The following ITPR1 variants were observed in gnomAD, a reference collection of about 807,000 sequenced individuals.
ITPR1 encodes the protein inositol 1,4,5-trisphosphate-gated calcium channel ITPR1.
ITPR1 carries 96 observed loss-of-function variants against 318.4 expected under a neutral mutation model. That is an observed-to-expected ratio of 0.30 (90% confidence interval 0.26 to 0.36). The LOEUF is 0.36. ITPR1 is among the 10% of genes least tolerant of loss of function. The pLI is 1.00. For missense variants in ITPR1, 2,440 were observed against 3,460.2 expected (o/e 0.71, Z 7.40); for synonymous variants, 1,312 against 1,289.9 (o/e 1.02, Z -0.37).
At chr3:4,804,599 G>A (rs1031973252) in intron 54 of ITPR1, among the ~76,000 whole-genome samples, 1 of 152,194 alleles carries the variant, frequency 6.6e-6, no homozygotes, top group African/African-American at 2.4e-5. Flanking sequence ...CTGTTGTTAA[G>A]TTGGCAGGAT....
intron 60 of ITPR1, among the ~76,000 whole-genome samples, chr3:4,822,200 G>A (rs773784039): frequency 2.6e-5 from 4 of 152,200 alleles, no homozygotes; most frequent in Non-Finnish European, 4.4e-5. Context: ...TGGCAGGTGG[G>A]AGGCATGCAC....
At chr3:4,657,273 TG>T (rs1250636996) in intron 12 of ITPR1, among the ~76,000 whole-genome samples, 1 of 152,182 alleles carries the variant, frequency 6.6e-6, no homozygotes, top group Non-Finnish European at 1.5e-5. Flanking sequence ...TATATCATAT[TG>T]TGAGTAGACA....
intron 44 of ITPR1, among the ~76,000 whole-genome samples, chr3:4,738,655 C>T (rs1315837679): frequency 6.6e-6 from 1 of 152,218 alleles, no homozygotes; most frequent in Non-Finnish European, 1.5e-5. Flanking sequence ...ATGTTTTTCA[C>T]GGAGCACCCT....
intron 52 of ITPR1, among the ~76,000 whole-genome samples, chr3:4,789,665 G>A (rs1446316094): frequency 2.0e-5 from 3 of 152,072 alleles, no homozygotes; most frequent in Non-Finnish European, 4.4e-5. Flanking sequence ...TGTCGCCCAG[G>A]CTGGAGTGCA....
At chr3:4,793,608 A>G (rs1047580529) in intron 52 of ITPR1, among the ~76,000 whole-genome samples, 5 of 152,310 alleles carry the variant, frequency 3.3e-5, no homozygotes, top group Non-Finnish European at 7.4e-5. Flanking sequence ...TCAACTTACC[A>G]AAGAAAGTAC....
intron 33 of ITPR1, among the ~76,000 whole-genome samples, chr3:4,694,756 G>A (rs1160004418): frequency 6.6e-6 from 1 of 152,184 alleles, no homozygotes; most frequent in Non-Finnish European, 1.5e-5. Flanking sequence ...TCACTGTTGT[G>A]TATGAGACCC....
At chr3:4,603,476 C>A (rs1293390225) in intron 4 of ITPR1, among the ~76,000 whole-genome samples, 1 of 152,080 alleles carries the variant, frequency 6.6e-6, no homozygotes, top group Non-Finnish European at 1.5e-5. Flanking sequence ...GTCACCCAGG[C>A]TGGAGTGCAG....
rs771580620 is a variant in ITPR1, at chr3:4,667,531, G to A, written c.1868G>A (p.Arg623Gln). Residue 623 changes from arginine (R) to glutamine (Q), a missense_variant, in exon 18 of 62, where the codon CGA (arginine) becomes CAA (glutamine). This residue lies in a region of ITPR1 where 478 missense variants were observed against 696.3 expected (regional missense o/e 0.69). Coordinates refer to ENST00000649015, the MANE Select transcript of ITPR1 (RefSeq NM_001378452.1). Reference sequence around the variant, plus strand: ...ATTGACACATTTGTCAGCCTGGTGCGAAAGAACAGGGAGCCCAGGTGAGGC... The same window carrying A: ...ATTGACACATTTGTCAGCCTGGTGCAAAAGAACAGGGAGCCCAGGTGAGGC... The part of the protein sequence containing the change: ...AEIDTFVSLV[R>Q]KNREPRFLDY... The A allele has an allele frequency of 3.1e-6, 5 of 1,613,198 alleles. No individual in the cohort carries two copies. The highest frequency in any genetic ancestry group is 1.1e-5 in the South Asian group (1 of 90,916).
chr3:4,595,777 T>G (rs536818087), intron 4 of ITPR1, among the ~76,000 whole-genome samples: 4 of 152,026 alleles, frequency 2.6e-5, no homozygotes, highest in Admixed American at 2.6e-4. Context: ...GAGGATGAGG[T>G]CTGAGAAGTC....
chr3:4,787,577 A>G (rs1208568294), intron 51 of ITPR1, among the ~76,000 whole-genome samples: 2 of 149,760 alleles, frequency 1.3e-5, no homozygotes, highest in East Asian at 2.0e-4. Context: ...GCGTGCCTGT[A>G]ATCCCAGCTA....
intron 12 of ITPR1, among the ~76,000 whole-genome samples, chr3:4,654,939 G>A (rs1159446262): frequency 6.6e-6 from 1 of 152,034 alleles, no homozygotes; most frequent in African/African-American, 2.4e-5. Flanking sequence ...TCCTTACTGG[G>A]GTACCCGAGG....
At chr3:4,699,990 A>G in intron 35 of ITPR1, 49 bp downstream of exon 35, 1 of 1,572,362 alleles carries the variant, frequency 6.4e-7, no homozygotes, top group African/African-American at 1.3e-5. Flanking sequence ...CACCTTCTGC[A>G]GTTGGGCTTG....
chr3:4,747,915 A>G (rs1336274467), intron 44 of ITPR1, among the ~76,000 whole-genome samples: 1 of 152,156 alleles, frequency 6.6e-6, no homozygotes, highest in African/African-American at 2.4e-5. Flanking sequence ...TGGTTATTAG[A>G]TCTCAGCTTT....
At chr3:4,732,411 C>G (rs545025922) in intron 42 of ITPR1, among the ~76,000 whole-genome samples, 4 of 152,314 alleles carry the variant, frequency 2.6e-5, no homozygotes, top group African/African-American at 9.6e-5. Context: ...TCACTTATAT[C>G]CCTCGCTGCT....
chr3:4,793,512 C>A (rs914828883), intron 52 of ITPR1, among the ~76,000 whole-genome samples: 1 of 152,184 alleles, frequency 6.6e-6, no homozygotes, highest in Non-Finnish European at 1.5e-5. Flanking sequence ...ATATCCAGAT[C>A]GGAAATGGGC....
At chr3:4,627,623 A>T (rs1296032309) in intron 4 of ITPR1, 140 bp from the exon 5 acceptor site, 3 of 548,704 alleles carry the variant, frequency 5.5e-6, no homozygotes, top group African/African-American at 3.8e-5. Flanking sequence ...AGATTTGTCA[A>T]AGAGCTTTGT....
At chr3:4,541,506 T>C (rs1040084188) in intron 4 of ITPR1, among the ~76,000 whole-genome samples, 2 of 152,184 alleles carry the variant, frequency 1.3e-5, no homozygotes, top group Non-Finnish European at 2.9e-5. Context: ...GTAATTTTAC[T>C]AGTATGAATA....
intron 4 of ITPR1, among the ~76,000 whole-genome samples, chr3:4,544,681 G>A (rs1008397925): frequency 1.3e-5 from 2 of 152,218 alleles, no homozygotes; most frequent in Non-Finnish European, 2.9e-5. Flanking sequence ...TGCTAACTTC[G>A]TAAAGGGAAA....
chr3:4,702,881 C>T lies in ITPR1; in HGVS notation c.4588C>T (p.His1530Tyr), dbSNP rs760784928. The T allele has an allele frequency of 6.2e-7, 1 of 1,613,958 alleles. No individual in the cohort carries two copies. The highest frequency in any genetic ancestry group is 8.5e-7 in the Non-Finnish European group (1 of 1,179,858). ...QLLQGVFRVY[H>Y]CNWLMPSQKA... ...GCTGCAAGGCGTGTTCAGGGTTTACCACTGCAACTGGTTAATGCCAAGCCA... is the reference window on the plus strand; with the variant it reads ...GCTGCAAGGCGTGTTCAGGGTTTACTACTGCAACTGGTTAATGCCAAGCCA... The change falls in exon 36 of 62, where the codon CAC (histidine) becomes TAC (tyrosine). Residue 1530 changes from histidine to tyrosine, a missense_variant. Transcript: ENST00000649015.
Sources: gnomAD v4.1 joint callset for allele counts (sites outside exome capture counted in the v4.1 genomes callset) on GRCh38, gnomAD v4.1.1 for gene constraint, gnomAD v4.1.1 regional missense constraint, MANE v1.5 for transcripts, NCBI Gene and HGNC (gene_info 2026-07-23, HGNC 2026-07-21) for gene names.